PARD3: variants seen among roughly 807,000 people sequenced by gnomAD.
PARD3 encodes partitioning defective 3 homolog.
A neutral mutation model predicts 155.4 loss-of-function variants in PARD3; 75 were observed. That is an observed-to-expected ratio of 0.48 (90% CI 0.40 to 0.58). The LOEUF (loss-of-function observed/expected upper bound fraction) is 0.58, where lower values mean the gene tolerates loss of function less well. Ranked by LOEUF, PARD3 falls within the 20% of genes least tolerant of loss-of-function variation. The probability of loss-of-function intolerance (pLI) is 0.00; values close to 1 mark genes in which losing one functional copy is unlikely to be tolerated. For synonymous variants in PARD3, 576 were observed against 610.5 expected, an observed-to-expected ratio of 0.94 and a Z score of 0.83; for missense variants, 1,642 against 1,721.7, an observed-to-expected ratio of 0.95 and a Z score of 0.82.
At chr10:34,315,047 A>G (rs527361206) in intron 20 of PARD3, among the ~76,000 whole-genome samples, 9 of 151,648 alleles carry the variant, frequency 5.9e-5, no homozygotes, top group East Asian at 1.9e-4. Context: ...TTTTAGGGGG[A>G]AAAAAAAACC....
chr10:34,530,390 T>A (rs930354512), intron 2 of PARD3, among the ~76,000 whole-genome samples: 4 of 152,092 alleles, frequency 2.6e-5, no homozygotes, highest in Admixed American at 1.3e-4. Context: ...TGTCAGATGG[T>A]GTAATTTTGG....
chr10:34,575,333 T>C (rs142464326), intron 2 of PARD3, among the ~76,000 whole-genome samples: 17 of 152,312 alleles, frequency 1.1e-4, no homozygotes, highest in African/African-American at 3.6e-4. Context: ...TTAAAGGAAA[T>C]TGAGATTTCA....
chr10:34,370,807 GGTGTGT>G (rs3040369), intron 12 of PARD3, among the ~76,000 whole-genome samples: 6,428 of 145,570 alleles, frequency 0.044, 161 homozygotes, highest in African/African-American at 0.051. Flanking sequence ...ATACAAATGG[GGTGTGT>G]GTGTGTGTGT....
At chr10:34,370,804 TGG>T (rs1491191413) in intron 12 of PARD3, among the ~76,000 whole-genome samples, 47 of 113,222 alleles carry the variant, frequency 4.2e-4, no homozygotes, top group East Asian at 1.1e-3. Flanking sequence ...CAGATACAAA[TGG>T]GGTGTGTGTG....
At chr10:34,139,571 T>C (rs1326629095) in intron 22 of PARD3, among the ~76,000 whole-genome samples, 1 of 152,226 alleles carries the variant, frequency 6.6e-6, no homozygotes, top group Non-Finnish European at 1.5e-5. Flanking sequence ...ATTTCATGGA[T>C]GTCATTTAAA....
chr10:34,741,278 G>A (rs976577853), intron 1 of PARD3, among the ~76,000 whole-genome samples: 6 of 142,860 alleles, frequency 4.2e-5, no homozygotes, highest in African/African-American at 1.5e-4. Context: ...TCAACTTCCT[G>A]GGCTCAAGTG....
intron 2 of PARD3, among the ~76,000 whole-genome samples, chr10:34,590,647 G>A (rs574639298): frequency 2.7e-4 from 41 of 152,200 alleles, no homozygotes; most frequent in African/African-American, 7.9e-4. Context: ...CTCTCTTCTC[G>A]CTGTCAGCTA....
chr10:34,742,941 G>A (rs958154331), intron 1 of PARD3, among the ~76,000 whole-genome samples: 6 of 152,052 alleles, frequency 3.9e-5, no homozygotes, highest in Admixed American at 2.6e-4. Context: ...GGAGTCACAC[G>A]GTCTTGGGTG....
intron 22 of PARD3, among the ~76,000 whole-genome samples, chr10:34,136,062 T>C (rs1296619494): frequency 6.6e-6 from 1 of 152,206 alleles, no homozygotes; most frequent in Non-Finnish European, 1.5e-5. Flanking sequence ...ATAACAATTT[T>C]GTCCATTGTT....
intron 1 of PARD3, among the ~76,000 whole-genome samples, chr10:34,743,748 G>A (rs181154257): frequency 1.4e-4 from 22 of 152,172 alleles, no homozygotes; most frequent in Admixed American, 7.2e-4. Context: ...CCTGCACATC[G>A]GCTGTCTAAA....
intron 15 of PARD3, 145 bp from the exon 16 acceptor site, chr10:34,341,961 A>C (rs572134570): frequency 6.3e-5 from 34 of 541,842 alleles, no homozygotes; most frequent in African/African-American, 5.4e-4. Flanking sequence ...AATTTAGCAC[A>C]TTTATTTTTC....
At chr10:34,765,696 C>T (rs1475965249) in intron 1 of PARD3, among the ~76,000 whole-genome samples, 6 of 151,740 alleles carry the variant, frequency 4.0e-5, no homozygotes, top group Non-Finnish European at 8.8e-5. Context: ...ATTTGGGCTT[C>T]ATCCAGCCTT....
intron 1 of PARD3, among the ~76,000 whole-genome samples, chr10:34,721,133 T>C (rs1181086338): frequency 7.9e-5 from 12 of 152,166 alleles, no homozygotes; most frequent in Admixed American, 5.9e-4. Context: ...TTGAAAAAGC[T>C]TACCTAAAGG....
At chr10:34,260,284 C>G (rs1194256858) in intron 22 of PARD3, among the ~76,000 whole-genome samples, 1 of 152,144 alleles carries the variant, frequency 6.6e-6, no homozygotes, top group East Asian at 1.9e-4. Context: ...CAATTTTTTT[C>G]TTTTTAAACA....
In PARD3 at chr10:34,716,783, G is replaced by A. The variant is rs1428217011; in HGVS notation, c.121-20364C>T. Reference sequence around the variant, plus strand: ...AATTTTGTATTTTTAGTAGGGACAGGGTTTCTCCATGTTGGTCAGGTTGGT... The same window carrying A: ...AATTTTGTATTTTTAGTAGGGACAGAGTTTCTCCATGTTGGTCAGGTTGGT... On this transcript the variant is annotated intron_variant, in intron 1 of 24. Transcript: ENST00000374788. 2.0e-5 allele frequency among the ~76,000 whole-genome samples: 3 copies of A among 151,742 alleles called. No individual in the cohort carries two copies. In the South Asian group the frequency reaches 6.3e-4, roughly 32 times the overall value.
Position 34,714,834 on chromosome 10 carries a change from G to A in PARD3, c.121-18415C>T, listed in dbSNP as rs182801935. 9.5e-4 allele frequency among the ~76,000 whole-genome samples: 143 copies of A among 151,046 alleles called. No homozygotes were observed. In the Middle Eastern group the frequency reaches 0.017, roughly 18 times the overall value. Reference sequence around the variant, plus strand: ...CTGTCACCCAGGCTGGAGGGCAGTGGTGCATTCTTGGTTCACTGCAACCTC... The same window carrying A: ...CTGTCACCCAGGCTGGAGGGCAGTGATGCATTCTTGGTTCACTGCAACCTC... On this transcript the variant is annotated intron_variant, in intron 1 of 24. Coordinates refer to ENST00000374788, the MANE Select transcript of PARD3 (RefSeq NM_001184785.2).
At chr10:34,111,729 T>C (rs1946393483) in intron 24 of PARD3, among the ~76,000 whole-genome samples, 167 bp from the exon 25 acceptor site, 2 of 152,166 alleles carry the variant, frequency 1.3e-5, no homozygotes, top group Non-Finnish European at 2.9e-5. Flanking sequence ...CAAAAATGAC[T>C]GTCCTCAGCA....
chr10:34,476,200 A>G (rs527265985), intron 3 of PARD3, among the ~76,000 whole-genome samples: 13 of 152,232 alleles, frequency 8.5e-5, no homozygotes, highest in Non-Finnish European at 1.8e-4. Flanking sequence ...TTATGCCGAC[A>G]TCATCACACA....
intron 1 of PARD3, among the ~76,000 whole-genome samples, chr10:34,777,571 TC>T (rs371658015): frequency 2.3e-4 from 35 of 152,324 alleles, no homozygotes; most frequent in African/African-American, 8.2e-4. Context: ...AGGGTCTCAC[TC>T]TGTCACCCAG....
Sources: allele counts gnomAD v4.1 joint callset (sites outside exome capture counted in the v4.1 genomes callset), GRCh38; gene constraint gnomAD v4.1.1; transcripts MANE v1.5; gene names NCBI Gene and HGNC (gene_info 2026-07-23, HGNC 2026-07-21).